RNF217: variants seen among roughly 807,000 people sequenced by gnomAD.
The protein encoded by RNF217 is ring finger protein 217, also known as E3 ubiquitin-protein ligase RNF217.
A neutral mutation model predicts 57.8 loss-of-function variants in RNF217; 31 were observed. The observed-to-expected ratio is 0.54, with a 90% CI of 0.40 to 0.72. The LOEUF is 0.72. Among genes scored for constraint, RNF217 ranks in the 30% least tolerant of loss-of-function variants. The pLI is 0.00. For synonymous variants in RNF217, 313 were observed against 294.0 expected (o/e 1.06, Z -0.66); for missense variants, 696 against 708.3 (o/e 0.98, Z 0.20).
In RNF217 at chr6:124,962,575, G is replaced by T; in HGVS notation, c.31G>T (p.Gly11Cys). The T allele has an allele frequency of 7.9e-7, 1 of 1,264,784 alleles. No homozygotes were observed. Among genetic ancestry groups the T allele is most frequent in the South Asian group, 2.9e-5 (1 of 34,832 alleles). The allele number at this position is 1,264,784 out of a possible 1,614,324, so 78.3% of individuals were successfully genotyped here. Reference protein sequence around the residue: MGEEQSTVSGGGGPQESQTLA... With the variant: MGEEQSTVSGCGGPQESQTLA... ...CGAGGAGCAGAGCACGGTGAGCGGC[G>T]GCGGCGGGCCCCAGGAGTCGCAGAC... The change falls in exon 1 of 6, where the codon GGC becomes TGC. Residue 11 changes from glycine to cysteine, a missense_variant. Transcript: ENST00000521654. This position sits in a 1 kb window ranked among gnomAD's most constrained non-coding sequence, Gnocchi z 4.6.
At position 125,091,952 on chromosome 6, in the gene RNF217, A is replaced by G. The variant is rs1031266161; in HGVS notation, c.*9015A>G. 1 of 152,150 alleles carries G rather than the reference A, an allele frequency of 6.6e-6. No individual in the cohort carries two copies. The highest frequency in any genetic ancestry group is 1.5e-5 in the Non-Finnish European group (1 of 68,028). 9.4% of individuals were successfully genotyped at this position (152,150 alleles called of 1,614,324 possible). ...GCTAGGTTTGTTATATTCTTTATGT[A>G]TCATAATATATAATTCAACTTTTCC... On this transcript the variant is annotated 3_prime_UTR_variant, in exon 6 of 6. Coordinates refer to ENST00000521654, the MANE Select transcript of RNF217 (RefSeq NM_001286398.3).
intron 3 of RNF217, among the ~76,000 whole-genome samples, chr6:125,066,537 C>A (rs999288136): frequency 6.6e-6 from 1 of 152,114 alleles, no homozygotes; most frequent in African/African-American, 2.4e-5. Context: ...GCACTGCCAG[C>A]TCTCTCACTT....
At chr6:124,969,704 A>G (rs1582650316) in intron 1 of RNF217, among the ~76,000 whole-genome samples, 1 of 152,346 alleles carries the variant, frequency 6.6e-6, no homozygotes, top group Non-Finnish European at 1.5e-5. Flanking sequence ...AGACTAAAAC[A>G]TTTAAAGCTC....
Position 125,091,311 on chromosome 6 carries a change from T to C in RNF217, c.*8374T>C, listed in dbSNP as rs902946446. On this transcript the variant is annotated 3_prime_UTR_variant, in exon 6 of 6. Transcript: ENST00000521654. ...TTGTGTGATGAGTATATAACATTCA[T>C]ATACGTTATTAGTGCCTTATTTTTT... 6.6e-6 allele frequency: 1 copy of C among 152,092 alleles called. No individual in the cohort carries two copies. The highest frequency in any genetic ancestry group is 6.6e-5 in the Admixed American group (1 of 15,262). 9.4% of individuals were successfully genotyped at this position (152,092 alleles called of 1,614,324 possible). A position where few individuals can be genotyped will look rare whatever the true frequency, so the allele number is the denominator to read the frequency against.
chr6:124,995,485 A>G (rs1189239257), intron 1 of RNF217, among the ~76,000 whole-genome samples: 2 of 152,212 alleles, frequency 1.3e-5, no homozygotes, highest in Admixed American at 1.3e-4. Context: ...CATTCTTTGT[A>G]TGTTTTTTAT....
intron 1 of RNF217, among the ~76,000 whole-genome samples, chr6:125,022,553 G>A (rs970392573): frequency 4.6e-5 from 7 of 152,072 alleles, no homozygotes; most frequent in Non-Finnish European, 1.0e-4. Context: ...ACCAGCCAGG[G>A]GTGTGGTTGT....
At chr6:125,080,870 T>C (rs1472751724) in intron 4 of RNF217, among the ~76,000 whole-genome samples, 1 of 152,110 alleles carries the variant, frequency 6.6e-6, no homozygotes, top group Non-Finnish European at 1.5e-5. Context: ...TACTAGGTAT[T>C]TATTCATAGT....
chr6:125,007,917 T>G (rs1419443089), intron 1 of RNF217, among the ~76,000 whole-genome samples: 1 of 152,110 alleles, frequency 6.6e-6, no homozygotes, highest in Non-Finnish European at 1.5e-5. Flanking sequence ...GAATAAGAGA[T>G]CAATAACTAC....
chr6:124,972,839 G>C (rs902152587), intron 1 of RNF217, among the ~76,000 whole-genome samples: 5 of 151,986 alleles, frequency 3.3e-5, no homozygotes, highest in Non-Finnish European at 7.4e-5. Context: ...TTTACTTAAG[G>C]TTATCAAACT....
intron 4 of RNF217, 85 bp downstream of exon 4, chr6:125,076,943 C>T (rs1223697188): frequency 4.4e-6 from 5 of 1,141,642 alleles, no homozygotes; most frequent in Non-Finnish European, 6.6e-6. Context: ...CATGGTAATT[C>T]AGAGCACCTG....
intron 1 of RNF217, among the ~76,000 whole-genome samples, chr6:125,019,230 C>G (rs1445513061): frequency 6.6e-6 from 1 of 152,158 alleles, no homozygotes; most frequent in Non-Finnish European, 1.5e-5. Flanking sequence ...TGAAAATCAC[C>G]TGTCATCATC....
chr6:125,016,549 T>C (rs533058814), intron 1 of RNF217, among the ~76,000 whole-genome samples: 6 of 152,252 alleles, frequency 3.9e-5, no homozygotes, highest in Admixed American at 3.3e-4. Context: ...CTGCTGTTTT[T>C]AGAAAGTTTT....
At chr6:125,038,902 A>G (rs184295176) in intron 1 of RNF217, among the ~76,000 whole-genome samples, 96 of 152,204 alleles carry the variant, frequency 6.3e-4, no homozygotes, top group Non-Finnish European at 6.8e-4. Flanking sequence ...AACGTGTGCC[A>G]TGGTGGTTTG....
intron 1 of RNF217, among the ~76,000 whole-genome samples, chr6:124,973,233 C>T (rs1783827070): frequency 6.6e-6 from 1 of 152,208 alleles, no homozygotes; most frequent in African/African-American, 2.4e-5. Context: ...GCATCCTCTT[C>T]AGTCCCTTCT....
At chr6:125,007,926 A>G (rs1004205943) in intron 1 of RNF217, among the ~76,000 whole-genome samples, 10 of 152,168 alleles carry the variant, frequency 6.6e-5, no homozygotes, top group Non-Finnish European at 1.3e-4. Context: ...ATCAATAACT[A>G]CTAATAAAAT....
intron 4 of RNF217, among the ~76,000 whole-genome samples, chr6:125,078,675 C>T (rs1474361061): frequency 6.6e-6 from 1 of 152,138 alleles, no homozygotes; most frequent in Non-Finnish European, 1.5e-5. Context: ...CTCTTAAAGG[C>T]CCAACCTCCC....
At chr6:125,001,373 T>G (rs1646808616) in intron 1 of RNF217, among the ~76,000 whole-genome samples, 1 of 152,184 alleles carries the variant, frequency 6.6e-6, no homozygotes, top group Non-Finnish European at 1.5e-5. Flanking sequence ...TTCTCTAAAT[T>G]TGTTGGACTT....
At chr6:125,070,248 T>C (rs1788085269) in intron 3 of RNF217, among the ~76,000 whole-genome samples, 2 of 152,234 alleles carry the variant, frequency 1.3e-5, no homozygotes, top group Non-Finnish European at 2.9e-5. Flanking sequence ...CTTTATCCAC[T>C]CATTGATTGT....
intron 2 of RNF217, among the ~76,000 whole-genome samples, chr6:125,053,556 G>A (rs1021808943): frequency 6.6e-6 from 1 of 152,008 alleles, no homozygotes; most frequent in African/African-American, 2.4e-5. Flanking sequence ...TGTGTATAGG[G>A]GTATCTAGAA....
Sources: gnomAD v4.1 joint callset for allele counts (sites outside exome capture counted in the v4.1 genomes callset) on GRCh38, gnomAD v4.1.1 for gene constraint, Gnocchi (gnomAD v3.1) non-coding constraint, MANE v1.5 for transcripts, NCBI Gene and HGNC (gene_info 2026-07-23, HGNC 2026-07-21) for gene names.